The following EPS15 variants were observed in gnomAD, a reference collection of about 807,000 sequenced individuals.
EPS15 encodes the protein epidermal growth factor receptor pathway substrate 15, also known as epidermal growth factor receptor substrate 15.
In EPS15, 72 loss-of-function variants were observed where a neutral mutation model predicts 113.8. That is an observed-to-expected ratio of 0.63 (90% CI 0.52 to 0.77). The LOEUF (loss-of-function observed/expected upper bound fraction) is 0.77. EPS15 is among the 30% of genes least tolerant of loss of function. The probability of loss-of-function intolerance (pLI) is 0.00; values close to 1 mark genes in which losing one functional copy is unlikely to be tolerated. For missense variants in EPS15, 1,048 were observed against 1,045.8 expected (o/e 1.00, Z -0.03); for synonymous variants, 344 against 363.4 (o/e 0.95, Z 0.61).
rs199976496 is a variant in EPS15 at position 51,463,654 on chromosome 1, G to A, written c.501+19C>T. ...TTAAAATACATAAAAATTACATTTCGGAGTAAATAATATCTTACTCTTCCA... is the reference window on the plus strand; with the variant it reads ...TTAAAATACATAAAAATTACATTTCAGAGTAAATAATATCTTACTCTTCCA... On this transcript the variant is annotated intron_variant, in intron 7 of 24. Coordinates refer to ENST00000371733, the MANE Select transcript of EPS15 (RefSeq NM_001981.3). 726 of 1,471,094 alleles carry A rather than the reference G, an allele frequency of 4.9e-4. 7 individuals carry two copies. The highest frequency in any genetic ancestry group is 1.8e-4 in the East Asian group (8 of 43,626). 91.1% of individuals were successfully genotyped at this position (1,471,094 alleles called of 1,614,324 possible). A position where few individuals can be genotyped will look rare whatever the true frequency, so the allele number is the denominator to read the frequency against.
chr1:51,430,753 G>A (rs921242557), intron 12 of EPS15, among the ~76,000 whole-genome samples: 1 of 151,878 alleles, frequency 6.6e-6, no homozygotes, highest in African/African-American at 2.4e-5. Flanking sequence ...CCAAGAGTTT[G>A]AGACCATGCT....
chr1:51,519,161 C>T (rs749111159), intron 1 of EPS15, 38 bp downstream of exon 1: 6 of 1,416,080 alleles, frequency 4.2e-6, no homozygotes, highest in East Asian at 5.7e-5. Context: ...GAGGGGGCAC[C>T]GGCCGGCCAA....
chr1:51,515,521 A>G (rs753637796), intron 1 of EPS15, among the ~76,000 whole-genome samples: 1 of 152,246 alleles, frequency 6.6e-6, no homozygotes, highest in Non-Finnish European at 1.5e-5. Context: ...AAGCAAGAAA[A>G]CCAGTATAAA....
At chr1:51,508,620 TC>T (rs1369178106) in intron 1 of EPS15, among the ~76,000 whole-genome samples, 2 of 152,168 alleles carry the variant, frequency 1.3e-5, no homozygotes, top group Non-Finnish European at 2.9e-5. Flanking sequence ...ACGTAAAACT[TC>T]TCTCAGTGTC....
At chr1:51,448,570 A>T (rs550470072) in intron 8 of EPS15, among the ~76,000 whole-genome samples, 52 of 152,008 alleles carry the variant, frequency 3.4e-4, no homozygotes, top group African/African-American at 1.2e-3. Context: ...TCTTTAACAT[A>T]AAAAAAATGC....
intron 8 of EPS15, among the ~76,000 whole-genome samples, chr1:51,450,329 C>G (rs985910643): frequency 6.6e-6 from 1 of 151,724 alleles, no homozygotes; most frequent in African/African-American, 2.4e-5. Context: ...GCTTAACTGG[C>G]TCACAGTTCT....
intron 24 of EPS15, among the ~76,000 whole-genome samples, chr1:51,360,104 C>T (rs1007446381): frequency 6.6e-6 from 1 of 152,106 alleles, no homozygotes; most frequent in African/African-American, 2.4e-5. Flanking sequence ...AGATTCTTGA[C>T]TACCTCCCTT....
intron 12 of EPS15, among the ~76,000 whole-genome samples, chr1:51,429,725 A>T (rs1030637923): frequency 1.3e-5 from 2 of 149,700 alleles, no homozygotes; most frequent in Non-Finnish European, 3.0e-5. Flanking sequence ...ATCTTGGCTC[A>T]CTGCAACCTC....
At chr1:51,376,946 T>A (rs965641329) in intron 21 of EPS15, among the ~76,000 whole-genome samples, 3 of 152,114 alleles carry the variant, frequency 2.0e-5, no homozygotes, top group Non-Finnish European at 4.4e-5. Flanking sequence ...CTGGGAAGGA[T>A]TCACCATTCT....
At chr1:51,431,612 A>G (rs1651744714) in intron 12 of EPS15, among the ~76,000 whole-genome samples, 1 of 151,730 alleles carries the variant, frequency 6.6e-6, no homozygotes, top group African/African-American at 2.4e-5. Flanking sequence ...CGCCCGACTA[A>G]TTTTTGTATT....
chr1:51,479,213 C>T (rs1643974381), intron 2 of EPS15, among the ~76,000 whole-genome samples: 1 of 152,026 alleles, frequency 6.6e-6, no homozygotes, highest in Admixed American at 6.6e-5. Context: ...CGAGCTTCAA[C>T]CACTGATACC....
At chr1:51,387,610 G>A (rs61119883) in intron 21 of EPS15, among the ~76,000 whole-genome samples, 4,469 of 151,960 alleles carry the variant, frequency 0.029, 68 homozygotes, top group African/African-American at 0.049. Flanking sequence ...GCTCAAAATA[G>A]AAGGATGGAG....
In EPS15 at chr1:51,354,944, C is replaced by T. The variant is rs1646187626; in HGVS notation, c.*1756G>A. 4.7e-6 allele frequency: 1 copy of T among 213,836 alleles called. No homozygotes were observed. The highest frequency in any genetic ancestry group is 7.0e-5 in the East Asian group (1 of 14,268). The allele number at this position is 213,836 out of a possible 1,614,324, so 13.2% of individuals were successfully genotyped here. On this transcript the variant is annotated 3_prime_UTR_variant, in exon 25 of 25. Coordinates refer to ENST00000371733, the MANE Select transcript of EPS15 (RefSeq NM_001981.3). ...AAAGAAAGTTGTTCAAGTCAACTTACCTTTATCCTAAGGAGTAAGAGGAAG... is the reference window on the plus strand; with the variant it reads ...AAAGAAAGTTGTTCAAGTCAACTTATCTTTATCCTAAGGAGTAAGAGGAAG...
intron 11 of EPS15, among the ~76,000 whole-genome samples, chr1:51,444,354 A>G (rs926749232): frequency 6.6e-6 from 1 of 152,226 alleles, no homozygotes. Context: ...ACCCACTTCT[A>G]GCTGTTCAAA....
At chr1:51,419,547 A>C (rs1650552289) in intron 13 of EPS15, among the ~76,000 whole-genome samples, 1 of 152,114 alleles carries the variant, frequency 6.6e-6, no homozygotes, top group East Asian at 1.9e-4. Context: ...GATAGGTCAA[A>C]ATTCCCTTAC....
intron 21 of EPS15, among the ~76,000 whole-genome samples, chr1:51,378,706 A>C (rs1557780459): frequency 6.6e-6 from 1 of 152,224 alleles, no homozygotes; most frequent in East Asian, 1.9e-4. Context: ...TGTAGTTCTT[A>C]AAAGTTCAAA....
intron 21 of EPS15, among the ~76,000 whole-genome samples, chr1:51,383,638 C>T (rs1446230954): frequency 6.6e-6 from 1 of 152,202 alleles, no homozygotes; most frequent in Non-Finnish European, 1.5e-5. Context: ...TTGCCCATCA[C>T]TCACCTCCTC....
At chr1:51,378,302 A>G (rs1428178461) in intron 21 of EPS15, among the ~76,000 whole-genome samples, 3 of 152,126 alleles carry the variant, frequency 2.0e-5, no homozygotes, top group Non-Finnish European at 2.9e-5. Flanking sequence ...TAGTGAAAAC[A>G]GAACTTTTAT....
intron 1 of EPS15, among the ~76,000 whole-genome samples, chr1:51,489,014 A>G (rs545609097): frequency 3.8e-3 from 573 of 152,088 alleles, no homozygotes; most frequent in African/African-American, 0.013. Flanking sequence ...CAACACGAGA[A>G]AAAAAGCCTG....
Sources: gnomAD v4.1 joint callset for allele counts (sites outside exome capture counted in the v4.1 genomes callset) on GRCh38, gnomAD v4.1.1 for gene constraint, MANE v1.5 for transcripts, NCBI Gene and HGNC (gene_info 2026-07-23, HGNC 2026-07-21) for gene names.